The following TBC1D22A variants were observed in gnomAD, a reference collection of about 807,000 sequenced individuals.
TBC1D22A encodes TBC1 domain family member 22A.
In TBC1D22A, 38 loss-of-function variants were observed where a neutral mutation model predicts 60.2. The observed-to-expected ratio is 0.63, with a 90% confidence interval of 0.49 to 0.83. The LOEUF (loss-of-function observed/expected upper bound fraction) is 0.83, where lower values mean the gene tolerates loss of function less well. Among genes scored for constraint, TBC1D22A ranks in the 40% least tolerant of loss-of-function variants. The pLI, the probability that TBC1D22A is intolerant of heterozygous loss-of-function variation, is 0.00. For synonymous variants in TBC1D22A, 302 were observed against 281.7 expected (o/e 1.07, Z -0.72); for missense variants, 628 against 701.0 (o/e 0.90, Z 1.18).
intron 1 of TBC1D22A, among the ~76,000 whole-genome samples, chr22:46,784,145 A>G (rs1256089369): frequency 6.6e-6 from 1 of 152,134 alleles, no homozygotes; most frequent in Admixed American, 6.5e-5. Context: ...TCCTGGGCTC[A>G]TGTGATCCAT....
intron 12 of TBC1D22A, among the ~76,000 whole-genome samples, chr22:47,137,591 GC>G (rs374566431): frequency 6.6e-5 from 10 of 152,216 alleles, no homozygotes; most frequent in African/African-American, 2.4e-4. Flanking sequence ...CCCTGAAGCT[GC>G]CCCTGCCCCT....
intron 1 of TBC1D22A, among the ~76,000 whole-genome samples, chr22:46,778,263 T>C (rs961115034): frequency 6.6e-6 from 1 of 152,100 alleles, no homozygotes; most frequent in African/African-American, 2.4e-5. Context: ...AAACACACCT[T>C]CTTTCTTCAG....
chr22:46,975,456 G>T (rs1045694610), intron 9 of TBC1D22A, among the ~76,000 whole-genome samples: 1 of 152,164 alleles, frequency 6.6e-6, no homozygotes, highest in African/African-American at 2.4e-5. Flanking sequence ...CAAACACCAA[G>T]ATCATCACGG....
At chr22:46,918,603 G>T (rs1376772999) in intron 8 of TBC1D22A, among the ~76,000 whole-genome samples, 1 of 152,210 alleles carries the variant, frequency 6.6e-6, no homozygotes, top group Admixed American at 6.5e-5. Context: ...CTTCAGGAAG[G>T]AGGGAGTGGT....
At chr22:46,903,511 C>T (rs2069162862) in intron 7 of TBC1D22A, among the ~76,000 whole-genome samples, 1 of 152,172 alleles carries the variant, frequency 6.6e-6, no homozygotes, top group Non-Finnish European at 1.5e-5. Context: ...GGACTTCCAC[C>T]CTAGCTCTCG....
At chr22:46,893,456 G>A (rs957679118) in intron 6 of TBC1D22A, among the ~76,000 whole-genome samples, 2 of 152,214 alleles carry the variant, frequency 1.3e-5, no homozygotes, top group East Asian at 1.9e-4. Flanking sequence ...CAGGGGTTGG[G>A]TCTGGTGGAT....
chr22:46,940,338 G>GTA (rs755557548), intron 8 of TBC1D22A, among the ~76,000 whole-genome samples: 163 of 151,910 alleles, frequency 1.1e-3, no homozygotes, highest in Non-Finnish European at 1.8e-3. Context: ...ACGTGCATGA[G>GTA]TATATATATA....
Position 46,767,801 on chromosome 22 carries a change from A to T in TBC1D22A, c.62+4953A>T, listed in dbSNP as rs932892883. On this transcript the variant is annotated intron_variant, in intron 1 of 12. Transcript: ENST00000337137. ...GCAGAGGAGTGAGCAGGTGCAGAGGACTCCCAGAGCGATGCTGGCGTGCTT... is the reference window on the plus strand; with the variant it reads ...GCAGAGGAGTGAGCAGGTGCAGAGGTCTCCCAGAGCGATGCTGGCGTGCTT... Among the ~76,000 whole-genome samples the T allele has an allele frequency of 5.9e-5, 9 of 151,538 alleles. 1 individual carries two copies. Among genetic ancestry groups the T allele is most frequent in the African/African-American group, 1.9e-4 (8 of 41,234 alleles).
chr22:47,056,179 C>T (rs988759603), intron 11 of TBC1D22A, among the ~76,000 whole-genome samples: 1 of 152,020 alleles, frequency 6.6e-6, no homozygotes, highest in East Asian at 1.9e-4. Flanking sequence ...TGGGCCGGGC[C>T]GGGCTGGGTA....
chr22:47,053,564 G>T (rs542963259), intron 11 of TBC1D22A, among the ~76,000 whole-genome samples: 1 of 152,252 alleles, frequency 6.6e-6, no homozygotes, highest in Non-Finnish European at 1.5e-5. Flanking sequence ...GGCCTGTGAG[G>T]ATCAGGAGAG....
chr22:47,119,653 C>T (rs1463224943), intron 12 of TBC1D22A, among the ~76,000 whole-genome samples: 3 of 152,036 alleles, frequency 2.0e-5, no homozygotes, highest in African/African-American at 4.8e-5. Flanking sequence ...CGTGGCAGCA[C>T]GCCCGGCTAA....
chr22:46,905,542 C>T (rs898180881), intron 7 of TBC1D22A, among the ~76,000 whole-genome samples: 12 of 152,232 alleles, frequency 7.9e-5, no homozygotes, highest in African/African-American at 2.4e-4. Flanking sequence ...CAGCCGGCCC[C>T]GGGGAGGAGG....
chr22:46,877,285 G>T (rs1236040476), intron 4 of TBC1D22A, among the ~76,000 whole-genome samples: 1 of 152,218 alleles, frequency 6.6e-6, no homozygotes, highest in East Asian at 1.9e-4. Context: ...CAAAGCTTGA[G>T]CAGAGTTTGA....
At chr22:46,938,023 T>A (rs1256904487) in intron 8 of TBC1D22A, among the ~76,000 whole-genome samples, 3 of 152,172 alleles carry the variant, frequency 2.0e-5, no homozygotes, top group African/African-American at 7.2e-5. Context: ...CATTTATTAC[T>A]GATGAAGGAA....
intron 8 of TBC1D22A, among the ~76,000 whole-genome samples, chr22:46,948,558 AC>A (rs796577853): frequency 2.6e-5 from 4 of 152,170 alleles, no homozygotes; most frequent in African/African-American, 9.6e-5. Context: ...TTGGTCGATA[AC>A]CCTTTGAGTC....
intron 11 of TBC1D22A, among the ~76,000 whole-genome samples, chr22:47,062,733 G>GT (rs1372624328): frequency 1.3e-5 from 2 of 152,158 alleles, no homozygotes; most frequent in Admixed American, 1.3e-4. Context: ...CACAAACTGC[G>GT]TATCTGTGAG....
intron 11 of TBC1D22A, among the ~76,000 whole-genome samples, chr22:47,099,177 C>A (rs1013968029): frequency 6.6e-6 from 1 of 152,166 alleles, no homozygotes; most frequent in Non-Finnish European, 1.5e-5. Context: ...AAGTGCAGAC[C>A]CTGCTCTTCA....
intron 11 of TBC1D22A, among the ~76,000 whole-genome samples, chr22:47,101,952 A>C (rs901760390): frequency 6.6e-6 from 1 of 152,176 alleles, no homozygotes; most frequent in African/African-American, 2.4e-5. Context: ...AGAATATTCC[A>C]CACAATGATG....
intron 12 of TBC1D22A, among the ~76,000 whole-genome samples, chr22:47,137,844 G>C (rs1235293723): frequency 6.6e-6 from 1 of 152,092 alleles, no homozygotes; most frequent in Non-Finnish European, 1.5e-5. Flanking sequence ...GTGGGGAGTG[G>C]GGAGCGGGGA....
Sources: allele counts gnomAD v4.1 joint callset (sites outside exome capture counted in the v4.1 genomes callset), GRCh38; gene constraint gnomAD v4.1.1; transcripts MANE v1.5; gene names NCBI Gene and HGNC (gene_info 2026-07-23, HGNC 2026-07-21).